The following SLC1A6 variants were observed in gnomAD, a reference collection of about 807,000 sequenced individuals.
SLC1A6 encodes the protein solute carrier family 1 member 6.
A neutral mutation model predicts 42.1 loss-of-function variants in SLC1A6; 15 were observed. The ratio of observed to expected loss-of-function variants is 0.36; its 90% CI spans 0.24 to 0.55. SLC1A6 has a LOEUF of 0.55. Ranked by LOEUF, SLC1A6 falls within the 20% of genes least tolerant of loss-of-function variation. SLC1A6 has a pLI of 0.88. For synonymous variants in SLC1A6, 317 were observed against 319.7 expected (o/e 0.99, Z 0.09); for missense variants, 542 against 772.5 (o/e 0.70, Z 3.54).
chr19:14,980,457 G>A (rs1388771565), upstream of SLC1A6, among the ~76,000 whole-genome samples: 1 of 152,130 alleles, frequency 6.6e-6, no homozygotes, highest in East Asian at 1.9e-4. Flanking sequence ...GAGAGCTAAT[G>A]CCATTTAAAG....
intron 1 of SLC1A6, 54 bp from the exon 2 acceptor site, chr19:14,972,971 G>A (rs1350989204): frequency 7.2e-6 from 10 of 1,390,600 alleles, no homozygotes; most frequent in Non-Finnish European, 8.8e-6. Flanking sequence ...GAAGGCCGGC[G>A]TGGGCAGATG....
chr19:14,996,842 C>T (rs189375005), intron 1 of SLC1A6, among the ~76,000 whole-genome samples: 1 of 152,048 alleles, frequency 6.6e-6, no homozygotes, highest in African/African-American at 2.4e-5. Flanking sequence ...GTCTACTCTC[C>T]ATCCTTCTCC....
intron 9 of SLC1A6, among the ~76,000 whole-genome samples, chr19:14,951,369 G>A (rs1287525508): frequency 6.6e-6 from 1 of 152,054 alleles, no homozygotes; most frequent in Non-Finnish European, 1.5e-5. Flanking sequence ...AACCAGGGCA[G>A]GCCTGAGTCA....
chr19:14,962,108 C>T lies in SLC1A6; in HGVS notation c.829G>A (p.Ala277Thr). 6.2e-7 allele frequency: 1 copy of T among 1,614,200 alleles called. No individual in the cohort carries two copies. Among genetic ancestry groups the T allele is most frequent in the Non-Finnish European group, 8.5e-7 (1 of 1,180,026 alleles). ...ATGCCACCAATGACCAGCCCAAAGG[C>T]CACAGAGAAGACCACGAGGCCCAGG... ...NALGLVVFSV[A>T]FGLVIGGMKH... Residue 277 changes from alanine to threonine, a missense_variant, in exon 6 of 10, where the codon GCC becomes ACC. By Grantham distance (58) the Ala-to-Thr change is moderately conservative. Coordinates refer to ENST00000594383, the MANE Select transcript of SLC1A6 (RefSeq NM_005071.3).
At chr19:14,981,747 G>A (rs912920631), upstream of SLC1A6, among the ~76,000 whole-genome samples, 7 of 152,270 alleles carry the variant, frequency 4.6e-5, 1 homozygote, top group East Asian at 5.8e-4. Context: ...TAACAATCAG[G>A]GAGGATCCCA....
At chr19:14,993,023 C>G (rs1035315041) in intron 1 of SLC1A6, among the ~76,000 whole-genome samples, 15 of 152,124 alleles carry the variant, frequency 9.9e-5, no homozygotes, top group Non-Finnish European at 2.9e-5. Flanking sequence ...TTCCCAGGGC[C>G]CCAGAGGGAG....
upstream of SLC1A6, among the ~76,000 whole-genome samples, chr19:14,981,363 A>G (rs1372854202): frequency 6.6e-6 from 1 of 152,118 alleles, no homozygotes; most frequent in Non-Finnish European, 1.5e-5. Context: ...GCACATCAGC[A>G]TACCTGGAAG....
At chr19:14,998,778 C>T (rs1017534620) in intron 1 of SLC1A6, among the ~76,000 whole-genome samples, 4 of 152,142 alleles carry the variant, frequency 2.6e-5, no homozygotes, top group Non-Finnish European at 5.9e-5. Flanking sequence ...TGGAGCATCC[C>T]TTCTCCTTTC....
At chr19:14,963,831 C>CT (rs5827267) in intron 5 of SLC1A6, among the ~76,000 whole-genome samples, 72 of 141,286 alleles carry the variant, frequency 5.1e-4, no homozygotes, top group Admixed American at 1.1e-3. Context: ...CCTAAGTCCT[C>CT]TTTTTTTTTT....
At position 14,954,112 on chromosome 19, in the gene SLC1A6, A is replaced by G. The variant is rs1361684579; in HGVS notation, c.1364+23T>C. 2.6e-6 allele frequency: 4 copies of G among 1,535,176 alleles called. No homozygotes were observed. The African/African-American group carries it at 4.1e-5, about 16-fold the overall frequency. The stretch of plus-strand genomic sequence containing the variant: ...GACCGCTTAAGTCTCACCTGCTGGC[A>G]GGTCCTACCCAAGCCCCCTCACCTG... On this transcript the variant is annotated intron_variant, in intron 8 of 9. Coordinates refer to ENST00000594383, the MANE Select transcript of SLC1A6 (RefSeq NM_005071.3).
At chr19:14,951,078 C>CAAAAAAAA (rs59828742) in intron 9 of SLC1A6, among the ~76,000 whole-genome samples, 12 of 79,776 alleles carry the variant, frequency 1.5e-4, no homozygotes, top group East Asian at 3.8e-4. Flanking sequence ...ACTAAAAATA[C>CAAAAAAAA]AAAAAAAAAA....
intron 1 of SLC1A6, among the ~76,000 whole-genome samples, chr19:15,001,328 A>C (rs901177696): frequency 6.6e-6 from 1 of 152,206 alleles, no homozygotes; most frequent in African/African-American, 2.4e-5. Context: ...CCTCAAACCG[A>C]GTGGTCAGAG....
At chr19:14,952,069 C>T (rs138548897) in intron 9 of SLC1A6, among the ~76,000 whole-genome samples, 6 of 152,096 alleles carry the variant, frequency 3.9e-5, no homozygotes, top group Non-Finnish European at 2.9e-5. Flanking sequence ...GCTTTGGCCT[C>T]GCAAAGTGCT....
chr19:15,006,567 C>A (rs10422935), intron 1 of SLC1A6, among the ~76,000 whole-genome samples: 11,032 of 151,676 alleles, frequency 0.073, 940 homozygotes, highest in African/African-American at 0.21. Context: ...CTGAATGATC[C>A]CTTGATTACA....
rs566511851 is a variant in SLC1A6, at chr19:14,985,362, C to T, written c.7-12445G>A. ...GGCCTAGTAGGAGGTGTTTTGGTCA[C>T]GGGGGTGGATTTTTTGTGAATGGCT... On this transcript the variant is annotated intron_variant, in intron 1 of 8. Coordinates refer to the SLC1A6 transcript ENST00000430939. 2.0e-3 allele frequency among the ~76,000 whole-genome samples: 302 copies of T among 152,210 alleles called. 10 individuals are homozygous for T. The South Asian group carries it at 0.061, about 31-fold the overall frequency.
intron 1 of SLC1A6, among the ~76,000 whole-genome samples, chr19:14,985,226 T>C (rs1049522030): frequency 2.0e-5 from 3 of 152,194 alleles, no homozygotes; most frequent in Non-Finnish European, 2.9e-5. Context: ...AAGTGACAGA[T>C]ATATTTCTTT....
intron 1 of SLC1A6, among the ~76,000 whole-genome samples, chr19:15,005,353 C>CA (rs1022393464): frequency 6.0e-5 from 9 of 150,252 alleles, no homozygotes; most frequent in East Asian, 5.9e-4. Flanking sequence ...ACTAAAAATA[C>CA]AAAAAATTAG....
upstream of SLC1A6, among the ~76,000 whole-genome samples, chr19:14,980,474 G>A (rs1235030217): frequency 6.6e-6 from 1 of 152,124 alleles, no homozygotes; most frequent in African/African-American, 2.4e-5. Flanking sequence ...AAAGATCTGA[G>A]CATCAGGTCT....
At chr19:14,974,073 C>T (rs1410378250) in intron 1 of SLC1A6, 3 of 152,108 alleles carry the variant, frequency 2.0e-5, no homozygotes, top group African/African-American at 7.2e-5. Context: ...AAAACAGTAC[C>T]GAACCAGGCG....
Sources: allele counts gnomAD v4.1 joint callset (sites outside exome capture counted in the v4.1 genomes callset), GRCh38; gene constraint gnomAD v4.1.1; transcripts MANE v1.5; gene names NCBI Gene and HGNC (gene_info 2026-07-23, HGNC 2026-07-21).